The following CAMK1D variants were observed in gnomAD, a reference collection of about 807,000 sequenced individuals.
CAMK1D encodes the protein calcium/calmodulin dependent protein kinase ID.
A neutral mutation model predicts 47.7 loss-of-function variants in CAMK1D; 9 were observed. That is an observed-to-expected ratio of 0.19 (90% CI 0.11 to 0.33). The LOEUF is 0.33. Among genes scored for constraint, CAMK1D ranks in the 10% least tolerant of loss-of-function variants. The pLI is 1.00. For synonymous variants in CAMK1D, 184 were observed against 184.9 expected, an observed-to-expected ratio of 0.99 and a Z score of 0.04; for missense variants, 291 against 488.7, an observed-to-expected ratio of 0.60 and a Z score of 3.81.
chr10:12,723,800 T>C (rs1834497705), intron 3 of CAMK1D, among the ~76,000 whole-genome samples: 1 of 152,194 alleles, frequency 6.6e-6, no homozygotes, highest in African/African-American at 2.4e-5. Context: ...AGGGTACATG[T>C]GCACAATGTG....
chr10:12,411,314 GC>G (rs1446787777), intron 1 of CAMK1D, among the ~76,000 whole-genome samples: 3 of 152,192 alleles, frequency 2.0e-5, no homozygotes, highest in Non-Finnish European at 2.9e-5. Flanking sequence ...AGAGCTTTAG[GC>G]TGTGCTTCCA....
intron 3 of CAMK1D, among the ~76,000 whole-genome samples, chr10:12,729,887 G>A (rs1834814983): frequency 6.6e-6 from 1 of 151,942 alleles, no homozygotes; most frequent in Non-Finnish European, 1.5e-5. Flanking sequence ...GTGAGGTCGG[G>A]GACAAAAGAC....
chr10:12,568,446 T>G (rs1588642125), intron 2 of CAMK1D, among the ~76,000 whole-genome samples: 1 of 43,766 alleles, frequency 2.3e-5, no homozygotes, highest in Non-Finnish European at 4.2e-5. Flanking sequence ...CTTCCTTTCC[T>G]TTCCTTCCTT....
chr10:12,479,816 C>T (rs957929018), intron 1 of CAMK1D, among the ~76,000 whole-genome samples: 24 of 152,256 alleles, frequency 1.6e-4, no homozygotes, highest in Admixed American at 7.9e-4. Flanking sequence ...GAGGAGGAGC[C>T]GAGGGAGTGC....
intron 1 of CAMK1D, among the ~76,000 whole-genome samples, chr10:12,379,905 G>T (rs1235963446): frequency 2.0e-5 from 3 of 151,986 alleles, no homozygotes; most frequent in Non-Finnish European, 4.4e-5. Context: ...AATCTTTTGG[G>T]AGGACTTTTA....
At chr10:12,383,453 A>G (rs1372117030) in intron 1 of CAMK1D, among the ~76,000 whole-genome samples, 1 of 152,224 alleles carries the variant, frequency 6.6e-6, no homozygotes, top group African/African-American at 2.4e-5. Context: ...TCAAATTGAC[A>G]TGAATGTCCA....
At chr10:12,747,675 T>C (rs1298608294) in intron 3 of CAMK1D, among the ~76,000 whole-genome samples, 1 of 152,118 alleles carries the variant, frequency 6.6e-6, no homozygotes, top group African/African-American at 2.4e-5. Flanking sequence ...GGTTAGAGGA[T>C]GGTGAGTCCC....
At chr10:12,431,067 T>A (rs756696754) in intron 1 of CAMK1D, among the ~76,000 whole-genome samples, 4 of 152,242 alleles carry the variant, frequency 2.6e-5, no homozygotes, top group Non-Finnish European at 4.4e-5. Context: ...TGATTATTTT[T>A]AAATGCTATT....
chr10:12,675,797 C>G (rs973802015), intron 3 of CAMK1D, among the ~76,000 whole-genome samples: 2 of 152,240 alleles, frequency 1.3e-5, no homozygotes, highest in African/African-American at 4.8e-5. Context: ...CTGGAAACCT[C>G]TCTGACTTCC....
intron 1 of CAMK1D, among the ~76,000 whole-genome samples, chr10:12,523,952 C>G (rs11257852): frequency 1.3e-5 from 2 of 151,372 alleles, no homozygotes; most frequent in Non-Finnish European, 2.9e-5. Context: ...CCAGGCTTGG[C>G]GCGATCTCGG....
At chr10:12,540,546 A>C (rs141175712) in intron 1 of CAMK1D, among the ~76,000 whole-genome samples, 3 of 152,374 alleles carry the variant, frequency 2.0e-5, no homozygotes, top group Admixed American at 6.5e-5. Context: ...GAAACCAAAG[A>C]TATCACAAGC....
chr10:12,430,719 G>C (rs1588477426), intron 1 of CAMK1D, among the ~76,000 whole-genome samples: 2 of 152,140 alleles, frequency 1.3e-5, no homozygotes, highest in East Asian at 3.9e-4. Context: ...CAGGCTTGGA[G>C]CTTTGGTGCA....
In CAMK1D at chr10:12,370,941, A is replaced by G. The variant is rs1222494808; in HGVS notation, c.92+21031A>G. 2.6e-5 allele frequency among the ~76,000 whole-genome samples: 4 copies of G among 152,282 alleles called. No individual in the cohort carries two copies. In the East Asian group the frequency reaches 7.7e-4, roughly 29 times the overall value. On this transcript the variant is annotated intron_variant, in intron 1 of 10. Transcript: ENST00000619168. ...TAATTTTTAACAAAATTAAAAAGTT[A>G]AAAGAATAGGAAAAAGCTTATAGAA...
chr10:12,399,055 T>C (rs1431007109), intron 1 of CAMK1D, among the ~76,000 whole-genome samples: 1 of 152,188 alleles, frequency 6.6e-6, no homozygotes, highest in East Asian at 1.9e-4. Context: ...CTAGCAGGTC[T>C]CTCTTGAGTG....
chr10:12,705,693 A>C (rs1833704846), intron 3 of CAMK1D, among the ~76,000 whole-genome samples: 1 of 152,218 alleles, frequency 6.6e-6, no homozygotes, highest in Admixed American at 6.5e-5. Context: ...CCTAACAAGG[A>C]CTTGGGCCAG....
chr10:12,726,053 G>T (rs1332105645), intron 3 of CAMK1D, among the ~76,000 whole-genome samples: 1 of 151,678 alleles, frequency 6.6e-6, no homozygotes, highest in Non-Finnish European at 1.5e-5. Flanking sequence ...CACGTCACCC[G>T]GCCTGGTTTT....
At chr10:12,649,850 A>G (rs145302485) in intron 2 of CAMK1D, among the ~76,000 whole-genome samples, 4 of 152,294 alleles carry the variant, frequency 2.6e-5, no homozygotes, top group Admixed American at 6.5e-5. Context: ...ATGTATATCA[A>G]CTTTTCACTT....
chr10:12,552,997 C>T (rs1836635569), intron 1 of CAMK1D, among the ~76,000 whole-genome samples: 1 of 152,150 alleles, frequency 6.6e-6, no homozygotes, highest in Non-Finnish European at 1.5e-5. Context: ...CCCGCCTTGG[C>T]CTCCCAAAGT....
chr10:12,761,879 C>T lies in CAMK1D; in HGVS notation c.438+793C>T, dbSNP rs1366091971. Among the ~76,000 whole-genome samples the T allele has an allele frequency of 9.2e-5, 14 of 152,104 alleles. No homozygotes were observed. In the East Asian group the frequency reaches 1.2e-3, roughly 13 times the overall value. On this transcript the variant is annotated intron_variant, in intron 4 of 10. Transcript: ENST00000619168. ...CCAGCCTGGCAACAGAGCGAAACTCCGTCTCAAAAAAAATAAATAAATAAA... is the reference window on the plus strand; with the variant it reads ...CCAGCCTGGCAACAGAGCGAAACTCTGTCTCAAAAAAAATAAATAAATAAA...
Sources: allele counts gnomAD v4.1 joint callset (sites outside exome capture counted in the v4.1 genomes callset), GRCh38; gene constraint gnomAD v4.1.1; transcripts MANE v1.5; gene names NCBI Gene and HGNC (gene_info 2026-07-23, HGNC 2026-07-21).